The following DMP1 variants were observed in gnomAD, a reference collection of about 807,000 sequenced individuals.
DMP1 encodes dentin matrix protein 1.
Under a neutral mutation model 14.6 loss-of-function variants are expected in DMP1, and 20 were observed. The ratio of observed to expected loss-of-function variants is 1.37; its 90% CI spans 0.96 to 1.99. The LOEUF (loss-of-function observed/expected upper bound fraction) is 1.99. Ranked by LOEUF, DMP1 falls within the 30% of genes most tolerant of loss-of-function variation. The pLI is 0.00. For synonymous variants in DMP1, 197 were observed against 215.3 expected, an observed-to-expected ratio of 0.91 and a Z score of 0.75; for missense variants, 567 against 620.5, an observed-to-expected ratio of 0.91 and a Z score of 0.92.
chr4:87,659,607 TC>T (rs1236354282), intron 5 of DMP1, 129 bp downstream of exon 5: 2 of 907,392 alleles, frequency 2.2e-6, no homozygotes, highest in Admixed American at 2.0e-5. Context: ...GGCTAAAGAG[TC>T]CTATAAAGTA....
intron 1 of DMP1, among the ~76,000 whole-genome samples, chr4:87,655,359 GAAGTGT>G (rs1728656026): frequency 6.6e-6 from 1 of 152,152 alleles, no homozygotes; most frequent in Non-Finnish European, 1.5e-5. Context: ...AACAGCTCTT[GAAGTGT>G]GAAATGAAGT....
intron 3 of DMP1, chr4:87,657,282 TTTC>T: frequency 2.2e-6 from 1 of 462,812 alleles, no homozygotes; most frequent in East Asian, 3.6e-5. Context: ...TTCTGTTAGC[TTTC>T]TTCTTATAAT....
At chr4:87,655,749 T>C (rs1249464625) in intron 1 of DMP1, among the ~76,000 whole-genome samples, 2 of 152,092 alleles carry the variant, frequency 1.3e-5, no homozygotes, top group Non-Finnish European at 2.9e-5. Context: ...CTGGTGTCAA[T>C]AAGTGTAGTT....
rs542706129 is a variant in DMP1, at chr4:87,663,357, A to T, written c.*37A>T. On this transcript the variant is annotated 3_prime_UTR_variant, in exon 6 of 6. Transcript: ENST00000339673. ...CTAAGAAGCAGTTGTCACATAAAGG[A>T]GTCTTAGGGACTTGAAAATGTATCA... 5.6e-6 allele frequency: 9 copies of T among 1,613,804 alleles called. No individual in the cohort carries two copies. The African/African-American group carries it at 9.3e-5, about 17-fold the overall frequency.
Position 87,662,403 on chromosome 4 carries a change from G to A in DMP1, c.625G>A (p.Glu209Lys), listed in dbSNP as rs777148348. ...DGESSHGDGS[E>K]LDDEGMQSDD... ...GGAGAGCAGCCATGGAGACGGCTCC[G>A]AGTTGGACGATGAGGGAATGCAGAG... Residue 209 changes from glutamate (E) to lysine (K), a missense_variant, in exon 6 of 6, where the codon GAG becomes AAG. Coordinates refer to ENST00000339673, the MANE Select transcript of DMP1 (RefSeq NM_004407.4). The A allele has an allele frequency of 1.5e-5, 25 of 1,614,042 alleles. 1 individual carries two copies. Among genetic ancestry groups the A allele is most frequent in the South Asian group, 7.7e-5 (7 of 91,092 alleles).
chr4:87,656,437 A>T, intron 1 of DMP1, 35 bp from the exon 2 acceptor site: 1 of 1,232,360 alleles, frequency 8.1e-7, no homozygotes. Flanking sequence ...TTATTCCTTT[A>T]ACATGGAGAG....
intron 1 of DMP1, among the ~76,000 whole-genome samples, chr4:87,655,095 G>A (rs1035587331): frequency 2.0e-5 from 3 of 152,108 alleles, no homozygotes; most frequent in African/African-American, 7.2e-5. Context: ...TAGTGAGTTT[G>A]GGGTCCCAAG....
rs1279859853 is a variant in DMP1, at chr4:87,663,628, T to C, written c.*308T>C. 4.7e-6 allele frequency: 2 copies of C among 428,948 alleles called. No homozygotes were observed. Among genetic ancestry groups the C allele is most frequent in the Non-Finnish European group, 8.7e-6 (2 of 231,024 alleles). 26.6% of individuals were successfully genotyped at this position (428,948 alleles called of 1,614,324 possible). A position where few individuals can be genotyped will look rare whatever the true frequency, so the allele number is the denominator to read the frequency against. ...AACAAACAAAGCTATTGGGTGTCCA[T>C]GATATACCAGGCACTATGCTAGGTG... On this transcript the variant is annotated 3_prime_UTR_variant, in exon 6 of 6. Coordinates refer to ENST00000339673, the MANE Select transcript of DMP1 (RefSeq NM_004407.4).
At position 87,663,383 on chromosome 4, in the gene DMP1, T is replaced by C; in HGVS notation, c.*63T>C. 1 of 1,610,288 alleles carries C rather than the reference T, an allele frequency of 6.2e-7. No individual in the cohort carries two copies. The highest frequency in any genetic ancestry group is 1.1e-5 in the South Asian group (1 of 90,780). The stretch of plus-strand genomic sequence containing the variant: ...GTCTTAGGGACTTGAAAATGTATCA[T>C]GATAACTATAATTTATTGATGTTTT... On this transcript the variant is annotated 3_prime_UTR_variant, in exon 6 of 6. Transcript: ENST00000339673.
chr4:87,661,866 A>T, intron 5 of DMP1, 96 bp from the exon 6 acceptor site: 1 of 1,603,356 alleles, frequency 6.2e-7, no homozygotes, highest in Non-Finnish European at 8.5e-7. Context: ...GAGGGGATGT[A>T]GGGCGAAGGA....
intron 1 of DMP1, among the ~76,000 whole-genome samples, chr4:87,653,977 C>T (rs1201551913): frequency 6.6e-6 from 1 of 152,182 alleles, no homozygotes; most frequent in Non-Finnish European, 1.5e-5. Flanking sequence ...TCCAACAAAA[C>T]ATGGGCAGCC....
Position 87,663,305 on chromosome 4 carries a change from C to T in DMP1, c.1527C>T (p.Cys509=). 6.2e-7 allele frequency: 1 copy of T among 1,614,188 alleles called. No homozygotes were observed. ...TTGGGGACCAAGATGACAATGACTG[C>T]CAAGACGGCTATTAGCATCAGCTGT... ...KPIGDQDDND[C]QDGY is the part of the protein sequence containing the mutation. The change falls in exon 6 of 6, where the codon TGC becomes TGT. Residue 509 remains cysteine (C), a synonymous_variant. Coordinates refer to ENST00000339673, the MANE Select transcript of DMP1 (RefSeq NM_004407.4).
At position 87,662,846 on chromosome 4, in the gene DMP1, G is replaced by T; in HGVS notation, c.1068G>T (p.Gln356His). The change falls in exon 6 of 6, where the codon CAG becomes CAT. Residue 356 changes from glutamine to histidine, a missense_variant. Physicochemically the swap from Gln to His is conservative, Grantham distance 24. Coordinates refer to ENST00000339673, the MANE Select transcript of DMP1 (RefSeq NM_004407.4). ...LSSQENSSES[Q>H]EEVVSESRGD... ...CTCAAGAGAACAGCAGTGAGTCTCA[G>T]GAAGAGGTGGTGAGTGAGTCCAGGG... 4 of 1,613,484 alleles carry T rather than the reference G, an allele frequency of 2.5e-6. No individual in the cohort carries two copies. Among genetic ancestry groups the T allele is most frequent in the Non-Finnish European group, 3.4e-6 (4 of 1,179,452 alleles).
chr4:87,659,078 T>C (rs1728780572), intron 3 of DMP1, 142 bp from the exon 4 acceptor site: 1 of 834,780 alleles, frequency 1.2e-6, no homozygotes, highest in Non-Finnish European at 2.0e-6. Context: ...CATTTCATCA[T>C]AAAATTTCAC....
At chr4:87,655,122 A>G (rs1447219197) in intron 1 of DMP1, among the ~76,000 whole-genome samples, 1 of 152,126 alleles carries the variant, frequency 6.6e-6, no homozygotes, top group East Asian at 1.9e-4. Flanking sequence ...TTTTCCTTTC[A>G]CAGTATACAT....
intron 5 of DMP1, among the ~76,000 whole-genome samples, chr4:87,660,993 T>C (rs769043313): frequency 6.6e-6 from 1 of 152,234 alleles, no homozygotes; most frequent in Non-Finnish European, 1.5e-5. Flanking sequence ...ATGAGCATTA[T>C]AAACCAACTC....
At position 87,663,432 on chromosome 4, in the gene DMP1, A is replaced by G. The variant is rs1728991431; in HGVS notation, c.*112A>G. The G allele has an allele frequency of 3.9e-6, 6 of 1,527,914 alleles. No homozygotes were observed. Among genetic ancestry groups the G allele is most frequent in the African/African-American group, 2.7e-5 (2 of 72,916 alleles). 94.6% of individuals were successfully genotyped at this position (1,527,914 alleles called of 1,614,324 possible). A position where few individuals can be genotyped will look rare whatever the true frequency, so the allele number is the denominator to read the frequency against. On this transcript the variant is annotated 3_prime_UTR_variant, in exon 6 of 6. Transcript: ENST00000339673. ...TTGATCAAAAGAATAACCAGATGCCATATTTTTCCTGAAAGGAATTGCTGG... is the reference window on the plus strand; with the variant it reads ...TTGATCAAAAGAATAACCAGATGCCGTATTTTTCCTGAAAGGAATTGCTGG...
Position 87,661,946 on chromosome 4 carries a change from T to C in DMP1, c.184-16T>C. 1 of 1,614,146 alleles carries C rather than the reference T, an allele frequency of 6.2e-7. No homozygotes were observed. The highest frequency in any genetic ancestry group is 8.5e-7 in the Non-Finnish European group (1 of 1,180,024). The stretch of plus-strand genomic sequence containing the variant: ...TTCCTGGAATACTGACCATATCTGT[T>C]AACCCCAAATTCTAGGCAAATGAAG... On this transcript the variant is annotated splice_polypyrimidine_tract_variant and intron_variant, in intron 5 of 5. Coordinates refer to ENST00000339673, the MANE Select transcript of DMP1 (RefSeq NM_004407.4).
In DMP1 at chr4:87,657,057, C is replaced by T. The variant is rs138537025; in HGVS notation, c.80C>T (p.Ser27Phe). 3.3e-5 allele frequency: 51 copies of T among 1,557,376 alleles called. No homozygotes were observed. The African/African-American group carries it at 6.6e-4, about 20-fold the overall frequency. The change falls in exon 3 of 6, where the codon TCT becomes TTT. Residue 27 changes from serine (S) to phenylalanine (F), a missense_variant. Ser to Phe is a radical substitution (Grantham distance 155, BLOSUM62 -2). Transcript: ENST00000339673. Reference sequence around the variant, plus strand: ...GTAACCAGGTATCAAAATAATGAATCTGAGGATTCTGAAGAATGGAAGGTG... The same window carrying T: ...GTAACCAGGTATCAAAATAATGAATTTGAGGATTCTGAAGAATGGAAGGTG... Reference protein sequence around the residue: ...LPVTRYQNNESEDSEEWKGHL... With the variant: ...LPVTRYQNNEFEDSEEWKGHL...
Sources: gnomAD v4.1 joint callset for allele counts (sites outside exome capture counted in the v4.1 genomes callset) on GRCh38, gnomAD v4.1.1 for gene constraint, MANE v1.5 for transcripts, NCBI Gene and HGNC (gene_info 2026-07-23, HGNC 2026-07-21) for gene names.